The following WDR89 variants were observed in gnomAD, a reference collection of about 807,000 sequenced individuals.
The protein encoded by WDR89 is WD repeat domain 89, also known as WD repeat-containing protein 89.
Under a neutral mutation model 29.1 loss-of-function variants are expected in WDR89, and 17 were observed. The ratio of observed to expected loss-of-function variants is 0.58; its 90% CI spans 0.40 to 0.88. The LOEUF (loss-of-function observed/expected upper bound fraction) is 0.88, where lower values mean the gene tolerates loss of function less well. Ranked by LOEUF, WDR89 falls within the 40% of genes least tolerant of loss-of-function variation. The pLI is 0.00. For missense variants in WDR89, 396 were observed against 456.3 expected, an observed-to-expected ratio of 0.87 and a Z score of 1.20; for synonymous variants, 138 against 157.8, an observed-to-expected ratio of 0.87 and a Z score of 0.94.
At chr14:63,637,820 G>C (rs1883836791) in intron 1 of WDR89, among the ~76,000 whole-genome samples, 1 of 151,892 alleles carries the variant, frequency 6.6e-6, no homozygotes, top group Non-Finnish European at 1.5e-5. Context: ...GGGGGGCAAG[G>C]GATTAAAAGA....
intron 2 of WDR89, among the ~76,000 whole-genome samples, chr14:63,616,682 C>G (rs1175838667): frequency 1.3e-5 from 2 of 152,110 alleles, no homozygotes; most frequent in East Asian, 3.9e-4. Context: ...GAAAATGAGG[C>G]TAAAGAGGTA....
Position 63,641,844 on chromosome 14 carries a change from G to C in WDR89, c.-178C>G, listed in dbSNP as rs955044830. 6.6e-6 allele frequency: 1 copy of C among 152,342 alleles called. No homozygotes were observed. Among genetic ancestry groups the C allele is most frequent in the African/African-American group, 2.4e-5 (1 of 41,468 alleles). 9.4% of individuals were successfully genotyped at this position (152,342 alleles called of 1,614,324 possible). The stretch of plus-strand genomic sequence containing the variant: ...CTGTACCGGAGAAAACGCAGGCTGC[G>C]CGGCGGCTTAGAGCGGTCAAGTGGA... On this transcript the variant is annotated 5_prime_UTR_variant, in exon 1 of 3. Transcript: ENST00000620954.
Position 63,599,781 on chromosome 14 carries a change from T to C in WDR89, c.162A>G (p.Ile54Met). The C allele has an allele frequency of 6.2e-7, 1 of 1,614,184 alleles. No individual in the cohort carries two copies. Among genetic ancestry groups the C allele is most frequent in the Non-Finnish European group, 8.5e-7 (1 of 1,180,036 alleles). The change falls in exon 3 of 3, where the codon ATA (isoleucine) becomes ATG (methionine). Residue 54 changes from isoleucine (I) to methionine (M), a missense_variant. Transcript: ENST00000620954. Reference sequence around the variant, plus strand: ...GTACATTTAACCTTTCTTTATCATATATTCTGATTGATCCATTAGAACATA... The same window carrying C: ...GTACATTTAACCTTTCTTTATCATACATTCTGATTGATCCATTAGAACATA... ...AVLCSNGSIR[I>M]YDKERLNVLR...
intron 1 of WDR89, among the ~76,000 whole-genome samples, chr14:63,633,089 G>A (rs1354878833): frequency 6.6e-6 from 1 of 151,994 alleles, no homozygotes; most frequent in Non-Finnish European, 1.5e-5. Flanking sequence ...CATGTTAAAT[G>A]GTGCCTGGCA....
intron 2 of WDR89, among the ~76,000 whole-genome samples, chr14:63,615,821 G>A (rs1411208210): frequency 2.6e-5 from 4 of 152,016 alleles, no homozygotes. Context: ...CTACTCAGGC[G>A]GCTGAGGCAG....
intron 2 of WDR89, among the ~76,000 whole-genome samples, chr14:63,600,192 C>T (rs1250744671): frequency 6.6e-6 from 1 of 152,194 alleles, no homozygotes; most frequent in East Asian, 1.9e-4. Context: ...AATTCAATCA[C>T]TCTTTAATAC....
chr14:63,628,485 T>C (rs1883206329), intron 1 of WDR89, among the ~76,000 whole-genome samples: 1 of 152,120 alleles, frequency 6.6e-6, no homozygotes, highest in Admixed American at 6.5e-5. Context: ...ATTTAAGGTA[T>C]GTAACGTGAT....
intron 1 of WDR89, among the ~76,000 whole-genome samples, chr14:63,639,414 CTTTCT>C (rs778490678): frequency 6.6e-6 from 1 of 150,576 alleles, no homozygotes; most frequent in African/African-American, 2.4e-5. Flanking sequence ...CTGCACTCCC[CTTTCT>C]TAAGTGTGTA....
intron 1 of WDR89, among the ~76,000 whole-genome samples, chr14:63,639,518 T>C (rs1200015387): frequency 6.6e-6 from 1 of 152,098 alleles, no homozygotes; most frequent in Non-Finnish European, 1.5e-5. Context: ...CTGTTGTAAT[T>C]TGTTACAGTA....
chr14:63,627,148 ACACTCTCTCTCTCTCT>A (rs1368131353), intron 1 of WDR89, among the ~76,000 whole-genome samples: 6 of 128,294 alleles, frequency 4.7e-5, no homozygotes, highest in African/African-American at 1.2e-4. Flanking sequence ...ACACACACAC[ACACTCTCTCTCTCTCT>A]CTCTCTCTCT....
chr14:63,601,318 A>G (rs1459865706), intron 2 of WDR89, among the ~76,000 whole-genome samples: 1 of 151,606 alleles, frequency 6.6e-6, no homozygotes, highest in East Asian at 1.9e-4. Flanking sequence ...GTGATAGTAG[A>G]ACTGGGATTT....
At position 63,597,284 on chromosome 14, in the gene WDR89, C is replaced by A. The variant is rs1384453742; in HGVS notation, c.*1495G>T. On this transcript the variant is annotated 3_prime_UTR_variant, in exon 3 of 3. Coordinates refer to ENST00000620954, the MANE Select transcript of WDR89 (RefSeq NM_080666.4). ...ACCCCCATGATCCAATCACCTCCCA[C>A]CAGGTCTCTCCCTAGACACATGGGG... 1 of 152,340 alleles carries A rather than the reference C, an allele frequency of 6.6e-6. No individual in the cohort carries two copies. The highest frequency in any genetic ancestry group is 1.9e-4 in the East Asian group (1 of 5,186). 9.4% of individuals were successfully genotyped at this position (152,340 alleles called of 1,614,324 possible).
At chr14:63,605,467 T>C (rs1452161159) in intron 2 of WDR89, among the ~76,000 whole-genome samples, 1 of 151,918 alleles carries the variant, frequency 6.6e-6, no homozygotes, top group African/African-American at 2.4e-5. Flanking sequence ...TACTATACTT[T>C]TTTTTTTTTT....
chr14:63,602,398 G>T (rs148355331), intron 2 of WDR89, among the ~76,000 whole-genome samples: 1 of 147,314 alleles, frequency 6.8e-6, no homozygotes, highest in Non-Finnish European at 1.5e-5. Context: ...TTGAGGTAGA[G>T]GTTGCAATGA....
At chr14:63,605,992 G>T (rs1005121385) in intron 2 of WDR89, among the ~76,000 whole-genome samples, 2 of 152,008 alleles carry the variant, frequency 1.3e-5, no homozygotes, top group African/African-American at 2.4e-5. Context: ...AGGCTAATGT[G>T]TGTGTCTTTT....
chr14:63,603,177 G>A (rs946031569), intron 2 of WDR89, among the ~76,000 whole-genome samples: 1 of 152,006 alleles, frequency 6.6e-6, no homozygotes, highest in South Asian at 2.1e-4. Flanking sequence ...ATTTATAAGT[G>A]CGCACACACA....
At chr14:63,638,989 T>C (rs1883921368) in intron 1 of WDR89, among the ~76,000 whole-genome samples, 1 of 152,052 alleles carries the variant, frequency 6.6e-6, no homozygotes, top group African/African-American at 2.4e-5. Flanking sequence ...TAATCACAAA[T>C]GTCCTCATAA....
At chr14:63,625,709 C>T (rs936839242) in intron 1 of WDR89, among the ~76,000 whole-genome samples, 1 of 151,726 alleles carries the variant, frequency 6.6e-6, no homozygotes, top group Non-Finnish European at 1.5e-5. Context: ...TGAGCTCTAC[C>T]CTAGATTTGT....
At chr14:63,614,452 C>T (rs1033781852) in intron 2 of WDR89, among the ~76,000 whole-genome samples, 3 of 151,968 alleles carry the variant, frequency 2.0e-5, no homozygotes. Flanking sequence ...GATGGGACCA[C>T]AGGCACATGT....
Sources: allele counts gnomAD v4.1 joint callset (sites outside exome capture counted in the v4.1 genomes callset), GRCh38; gene constraint gnomAD v4.1.1; transcripts MANE v1.5; gene names NCBI Gene and HGNC (gene_info 2026-07-23, HGNC 2026-07-21).